CHN2: variants seen among roughly 807,000 people sequenced by gnomAD.
CHN2 encodes the protein chimerin 2, also known as beta-chimaerin.
Under a neutral mutation model 56.3 loss-of-function variants are expected in CHN2, and 35 were observed. That is an observed-to-expected ratio of 0.62 (90% CI 0.47 to 0.82). CHN2 has a LOEUF of 0.82. Among genes scored for constraint, CHN2 ranks in the 40% least tolerant of loss-of-function variants. The pLI is 0.00. For missense variants in CHN2, 491 were observed against 580.5 expected (o/e 0.85, Z 1.58); for synonymous variants, 210 against 212.8 (o/e 0.99, Z 0.12).
chr7:29,268,395 G>A (rs1790330565), intron 1 of CHN2, among the ~76,000 whole-genome samples: 1 of 151,070 alleles, frequency 6.6e-6, no homozygotes, highest in Admixed American at 6.6e-5. Context: ...TTTTTTTAAG[G>A]TAAAAAGTAC....
intron 1 of CHN2, among the ~76,000 whole-genome samples, chr7:29,232,019 CTT>C (rs1225484544): frequency 2.0e-5 from 3 of 152,118 alleles, no homozygotes; most frequent in African/African-American, 7.2e-5. Context: ...CCTCCAGTGT[CTT>C]TGTTTCTGAA....
At chr7:29,468,694 TC>T (rs1785776039) in intron 6 of CHN2, among the ~76,000 whole-genome samples, 1 of 152,048 alleles carries the variant, frequency 6.6e-6, no homozygotes, top group South Asian at 2.1e-4. Context: ...GCAATCAGAT[TC>T]CCCCGACTGC....
chr7:29,263,443 C>T (rs1468594019), intron 1 of CHN2, among the ~76,000 whole-genome samples: 1 of 152,190 alleles, frequency 6.6e-6, no homozygotes, highest in African/African-American at 2.4e-5. Context: ...CTCTGCCCGG[C>T]CGCCACCCCG....
At position 29,509,282 on chromosome 7, in the gene CHN2, T is replaced by C. The variant is rs752515838; in HGVS notation, c.1130-19T>C. ...ATGCCACACTCTGAACTAATACCCA[T>C]CATGCGTGAACTTCACAGAAATCTC... On this transcript the variant is annotated intron_variant, in intron 11 of 12. Coordinates refer to ENST00000222792, the MANE Select transcript of CHN2 (RefSeq NM_004067.4). The C allele has an allele frequency of 1.3e-6, 2 of 1,586,274 alleles. No individual in the cohort carries two copies. Among genetic ancestry groups the C allele is most frequent in the East Asian group, 4.5e-5 (2 of 44,740 alleles).
rs1449128923 is a variant in CHN2, at chr7:29,204,065, CTCTGTGTGTGTG to C, written c.49+9077_49+9088del. The stretch of plus-strand genomic sequence containing the variant: ...AAACAAAGCACACGTTTTTCTCTCT[CTCTGTGTGTGTG>C]TGTGTGTGTGTGTGTGTGTGTGTGT... On this transcript the variant is annotated intron_variant, in intron 1 of 12. Transcript: ENST00000222792. Among the ~76,000 whole-genome samples, 754 of 136,008 alleles carry C rather than the reference CTCTGTGTGTGTG, an allele frequency of 5.5e-3. 6 individuals carry two copies. Among genetic ancestry groups the C allele is most frequent in the African/African-American group, 0.019 (684 of 35,178 alleles). 89.2% of individuals were successfully genotyped at this position (136,008 alleles called of 152,430 possible).
intron 1 of CHN2, chr7:29,209,094 AT>A (rs1314138791): frequency 6.7e-6 from 1 of 149,822 alleles, no homozygotes; most frequent in Non-Finnish European, 1.5e-5. Flanking sequence ...GTGTGAACCA[AT>A]CACTGGCAAG....
rs1788358045 is a variant in CHN2 at position 29,249,845 on chromosome 7, T to TA, written c.49+54855_49+54856insA. ...AAAAATAGGAAAGACTTTTCAGGAATGGTAGCGACATGAATACCAATAACC... is the reference window on the plus strand; with the variant it reads ...AAAAATAGGAAAGACTTTTCAGGAATAGGTAGCGACATGAATACCAATAACC... On this transcript the variant is annotated intron_variant, in intron 1 of 12. Transcript: ENST00000222792. 2.0e-5 allele frequency among the ~76,000 whole-genome samples: 3 copies of TA among 152,374 alleles called. No homozygotes were observed. The South Asian group carries it at 6.2e-4, about 32-fold the overall frequency.
At chr7:29,251,820 A>C (rs542384177) in intron 1 of CHN2, among the ~76,000 whole-genome samples, 2 of 152,330 alleles carry the variant, frequency 1.3e-5, no homozygotes, top group African/African-American at 4.8e-5. Flanking sequence ...TTCATCACAA[A>C]AATAGAACCT....
intron 1 of CHN2, among the ~76,000 whole-genome samples, chr7:29,346,106 C>T (rs113590502): frequency 4.6e-5 from 7 of 152,146 alleles, no homozygotes; most frequent in African/African-American, 1.4e-4. Context: ...AGGTCTCTAA[C>T]AGCCTTCAGA....
chr7:29,464,876 C>T (rs1261137357), intron 6 of CHN2, among the ~76,000 whole-genome samples: 1 of 152,152 alleles, frequency 6.6e-6, no homozygotes, highest in Non-Finnish European at 1.5e-5. Flanking sequence ...CACAGGCTGC[C>T]CTGCTGTTGT....
chr7:29,252,885 G>A (rs1014407071), intron 1 of CHN2, among the ~76,000 whole-genome samples: 2 of 117,922 alleles, frequency 1.7e-5, no homozygotes, highest in African/African-American at 6.4e-5. Context: ...GTGAGCCACC[G>A]CGCCCGGCCC....
At chr7:29,169,753 C>T (rs2128722978) in intron 2 of CHN2, among the ~76,000 whole-genome samples, 1 of 152,180 alleles carries the variant, frequency 6.6e-6, no homozygotes, top group Admixed American at 6.5e-5. Context: ...CCACTGTTTG[C>T]TCAGTCAGAG....
Position 29,344,339 on chromosome 7 carries a change from C to T in CHN2, c.50-10286C>T, listed in dbSNP as rs140460059. On this transcript the variant is annotated intron_variant, in intron 1 of 12. Transcript: ENST00000222792. ...TACAGTCTGGACTCTGTATTATCCC[C>T]GCTTGCATTTTCCCTGCCCTTTAGA... Among the ~76,000 whole-genome samples, 249 of 152,292 alleles carry T rather than the reference C, an allele frequency of 1.6e-3. 1 individual carries two copies. Among genetic ancestry groups the T allele is most frequent in the African/African-American group, 5.7e-3 (237 of 41,552 alleles).
intron 6 of CHN2, among the ~76,000 whole-genome samples, chr7:29,470,841 G>T (rs1187079920): frequency 3.9e-5 from 6 of 152,156 alleles, no homozygotes; most frequent in African/African-American, 1.4e-4. Flanking sequence ...CTTGACTTTT[G>T]TAGGAAAACC....
At chr7:29,336,040 G>A (rs1796592620) in intron 1 of CHN2, 1 of 152,238 alleles carries the variant, frequency 6.6e-6, no homozygotes. Context: ...GAAGCCAGAA[G>A]ATACTCACTG....
intron 6 of CHN2, among the ~76,000 whole-genome samples, chr7:29,468,427 T>C (rs2128142978): frequency 6.6e-6 from 1 of 152,184 alleles, no homozygotes; most frequent in East Asian, 1.9e-4. Flanking sequence ...GCACTGGCCT[T>C]GTTCTTGACT....
intron 12 of CHN2, among the ~76,000 whole-genome samples, chr7:29,511,341 A>G (rs1204028726): frequency 6.6e-6 from 1 of 152,238 alleles, no homozygotes; most frequent in Non-Finnish European, 1.5e-5. Flanking sequence ...TGGGTATCAC[A>G]TCTGGCTTTC....
rs557183075 is a variant in CHN2 at position 29,241,998 on chromosome 7, A to G, written c.49+47008A>G. ...ATATAAGATATGGAACATAATAGTA[A>G]TATCAGACACTTCCATGGTGTTTAC... On this transcript the variant is annotated intron_variant, in intron 1 of 12. Transcript: ENST00000222792. Among the ~76,000 whole-genome samples, 23 of 152,302 alleles carry G rather than the reference A, an allele frequency of 1.5e-4. No homozygotes were observed. The East Asian group carries it at 4.4e-3, about 29-fold the overall frequency.
At chr7:29,293,840 G>T (rs1412714828) in intron 1 of CHN2, among the ~76,000 whole-genome samples, 2 of 147,868 alleles carry the variant, frequency 1.4e-5, no homozygotes, top group Non-Finnish European at 3.0e-5. Context: ...GTGCATATAA[G>T]CTCCACGAGG....
Sources: allele counts gnomAD v4.1 joint callset (sites outside exome capture counted in the v4.1 genomes callset), GRCh38; gene constraint gnomAD v4.1.1; transcripts MANE v1.5; gene names NCBI Gene and HGNC (gene_info 2026-07-23, HGNC 2026-07-21).